The following MLXIP variants were observed in gnomAD, a reference collection of about 807,000 sequenced individuals.
MLXIP encodes the protein MLX interacting protein.
In MLXIP, 30 loss-of-function variants were observed where a neutral mutation model predicts 87.2. The ratio of observed to expected loss-of-function variants is 0.34; its 90% CI spans 0.26 to 0.47. The LOEUF is 0.47. Ranked by LOEUF, MLXIP falls within the 20% of genes least tolerant of loss-of-function variation. The pLI, the probability that MLXIP is intolerant of heterozygous loss-of-function variation, is 1.00. For missense variants in MLXIP, 1,002 were observed against 1,240.1 expected (o/e 0.81, Z 2.88); for synonymous variants, 530 against 514.0 (o/e 1.03, Z -0.42).
At chr12:122,115,402 A>G (rs1330172928) in intron 1 of MLXIP, among the ~76,000 whole-genome samples, 1 of 151,766 alleles carries the variant, frequency 6.6e-6, no homozygotes, top group African/African-American at 2.4e-5. Flanking sequence ...ACCCTGGCTA[A>G]CATGGTGAAA....
Position 122,135,645 on chromosome 12 carries a change from C to G in MLXIP, c.2011C>G (p.Gln671Glu). ...GGTCCCGCTGCATGGGGGCAGCCCCCAGGTCACTGTCACAGGGCCCAGTGA... is the reference window on the plus strand; with the variant it reads ...GGTCCCGCTGCATGGGGGCAGCCCCGAGGTCACTGTCACAGGGCCCAGTGA... ...EQVPLHGGSP[Q>E]VTVTGPSRDC... Residue 671 changes from glutamine to glutamate, a missense_variant, in exon 11 of 17, where the codon CAG (glutamine) becomes GAG (glutamate). By Grantham distance (29) the Gln-to-Glu change is conservative. Around this residue, in one of 3 missense-constraint regions of MLXIP, gnomAD observed 746 missense variants for 897.0 expected, o/e 0.83. Coordinates refer to ENST00000319080, the MANE Select transcript of MLXIP (RefSeq NM_014938.6). This position sits in a 1 kb window ranked among gnomAD's most constrained non-coding sequence, Gnocchi z 5.3. 1 of 1,527,568 alleles carries G rather than the reference C, an allele frequency of 6.5e-7. No individual in the cohort carries two copies. Among genetic ancestry groups the G allele is most frequent in the Admixed American group, 2.1e-5 (1 of 47,784 alleles). The allele number at this position is 1,527,568 out of a possible 1,614,324, so 94.6% of individuals were successfully genotyped here.
rs1240658727 is a variant in MLXIP, at chr12:122,138,885, A to T, written c.2455A>T (p.Met819Leu). The T allele has an allele frequency of 1.2e-6, 2 of 1,613,918 alleles. No homozygotes were observed. The highest frequency in any genetic ancestry group is 1.7e-5 in the Admixed American group (1 of 60,010). ...TRRQFDHMKD[M>L]FDEYVKTRTL... ...GCGCCAGTTTGATCACATGAAAGAC[A>T]TGTTTGACGAATACGTGAAAACCCG... The change falls in exon 15 of 17, where the codon ATG (methionine) becomes TTG (leucine). Residue 819 changes from methionine (M) to leucine (L), a missense_variant. Physicochemically the swap from Met to Leu is conservative, Grantham distance 15. Around this residue, in one of 3 missense-constraint regions of MLXIP, gnomAD observed 746 missense variants for 897.0 expected, o/e 0.83. Coordinates refer to ENST00000319080, the MANE Select transcript of MLXIP (RefSeq NM_014938.6).
intron 1 of MLXIP, among the ~76,000 whole-genome samples, chr12:122,088,785 G>A (rs925349259): frequency 1.3e-5 from 2 of 151,970 alleles, no homozygotes; most frequent in Non-Finnish European, 2.9e-5. Flanking sequence ...AGGCAAATTC[G>A]GTCACCAAAA....
chr12:122,103,195 GTATGTATT>G (rs879436213), intron 1 of MLXIP, among the ~76,000 whole-genome samples: 6,508 of 77,518 alleles, frequency 0.084, 214 homozygotes, highest in African/African-American at 0.15. Flanking sequence ...ATGTATGTAT[GTATGTATT>G]TATTTATTTA....
intron 1 of MLXIP, among the ~76,000 whole-genome samples, chr12:122,083,124 C>G (rs1952115770): frequency 1.3e-5 from 2 of 152,150 alleles, no homozygotes; most frequent in African/African-American, 4.8e-5. Flanking sequence ...CCAGCCCCCA[C>G]CTACAGATTC....
intron 1 of MLXIP, among the ~76,000 whole-genome samples, chr12:122,109,183 T>A (rs757047139): frequency 6.6e-6 from 1 of 152,164 alleles, no homozygotes; most frequent in African/African-American, 2.4e-5. Flanking sequence ...TCTGCCCACC[T>A]TGGCCTCCCA....
chr12:122,141,433 G>T (rs901742935), intron 16 of MLXIP, among the ~76,000 whole-genome samples: 1 of 152,162 alleles, frequency 6.6e-6, no homozygotes, highest in Non-Finnish European at 1.5e-5. Flanking sequence ...TATCAGAACA[G>T]CTGGCAGCCC....
intron 1 of MLXIP, among the ~76,000 whole-genome samples, chr12:122,103,337 G>T (rs1952467871): frequency 6.6e-6 from 1 of 151,558 alleles, no homozygotes; most frequent in Non-Finnish European, 1.5e-5. Flanking sequence ...CGATTCTCTT[G>T]CTTCAATCTC....
At chr12:122,108,805 G>A (rs1397587414) in intron 1 of MLXIP, among the ~76,000 whole-genome samples, 1 of 152,102 alleles carries the variant, frequency 6.6e-6, no homozygotes, top group Non-Finnish European at 1.5e-5. Context: ...TTCCTGCTCT[G>A]TAGTTTTTCT....
intron 1 of MLXIP, among the ~76,000 whole-genome samples, chr12:122,086,043 A>G (rs1952163725): frequency 6.6e-6 from 1 of 152,182 alleles, no homozygotes; most frequent in Admixed American, 6.6e-5. Flanking sequence ...AGTGAGCAGC[A>G]GAGGAAGGAT....
intron 1 of MLXIP, among the ~76,000 whole-genome samples, chr12:122,101,384 A>G (rs999805388): frequency 6.6e-6 from 1 of 150,558 alleles, no homozygotes; most frequent in African/African-American, 2.4e-5. Context: ...ATAGACCTGC[A>G]GCATCATTTT....
intron 1 of MLXIP, among the ~76,000 whole-genome samples, chr12:122,123,013 G>A (rs577118117): frequency 6.6e-6 from 1 of 152,208 alleles, no homozygotes; most frequent in Non-Finnish European, 1.5e-5. Context: ...TTTTAGAGCA[G>A]CTTTTCCTGA....
chr12:122,126,089 T>C (rs1012572052), intron 1 of MLXIP, among the ~76,000 whole-genome samples: 1 of 152,174 alleles, frequency 6.6e-6, no homozygotes, highest in Admixed American at 6.5e-5. Context: ...AAATAGTGCC[T>C]TGCCCATCTC....
Position 122,078,828 on chromosome 12 carries a change from G to T in MLXIP, c.-26G>T. 9.5e-7 allele frequency: 1 copy of T among 1,051,696 alleles called. No homozygotes were observed. Among genetic ancestry groups the T allele is most frequent in the South Asian group, 4.2e-5 (1 of 23,812 alleles). The allele number at this position is 1,051,696 out of a possible 1,614,324, so 65.1% of individuals were successfully genotyped here. On this transcript the variant is annotated 5_prime_UTR_variant, in exon 1 of 17. Coordinates refer to ENST00000319080, the MANE Select transcript of MLXIP (RefSeq NM_014938.6). ...CTTGTCGCGTTGCCCCGGGCTCCGGGGGATGCCCCCGGCCGAGCCCTTCTC... is the reference window on the plus strand; with the variant it reads ...CTTGTCGCGTTGCCCCGGGCTCCGGTGGATGCCCCCGGCCGAGCCCTTCTC...
chr12:122,129,806 T>C, intron 5 of MLXIP, 135 bp from the exon 6 acceptor site: 1 of 1,303,870 alleles, frequency 7.7e-7, no homozygotes, highest in Non-Finnish European at 1.1e-6. Context: ...GGAGCCGCTC[T>C]CCAAATGCCT....
At chr12:122,134,205 G>GTTT (rs57471735) in intron 9 of MLXIP, 7,941 of 497,326 alleles carry the variant, frequency 0.016, 232 homozygotes, top group African/African-American at 0.11. Flanking sequence ...TTTTTGTTTG[G>GTTT]TTTTTTTTTT....
At chr12:122,111,127 G>A (rs969897585) in intron 1 of MLXIP, among the ~76,000 whole-genome samples, 4 of 151,874 alleles carry the variant, frequency 2.6e-5, no homozygotes, top group African/African-American at 9.7e-5. Flanking sequence ...CCTGGCGAGT[G>A]TTACCTTATC....
intron 1 of MLXIP, among the ~76,000 whole-genome samples, chr12:122,094,493 AATGTCTG>A: frequency 2.0e-5 from 1 of 49,434 alleles, no homozygotes; most frequent in South Asian, 7.4e-4. Flanking sequence ...GTGTGTTTGC[AATGTCTG>A]TGTGTGTGGT....
At chr12:122,085,599 T>G (rs1952157155) in intron 1 of MLXIP, among the ~76,000 whole-genome samples, 1 of 152,214 alleles carries the variant, frequency 6.6e-6, no homozygotes, top group African/African-American at 2.4e-5. Flanking sequence ...AGATGGGGTT[T>G]CATCATGTTG....
Sources: gnomAD v4.1 joint callset for allele counts (sites outside exome capture counted in the v4.1 genomes callset) on GRCh38, gnomAD v4.1.1 for gene constraint, gnomAD v4.1.1 regional missense constraint, Gnocchi (gnomAD v3.1) non-coding constraint, MANE v1.5 for transcripts, NCBI Gene and HGNC (gene_info 2026-07-23, HGNC 2026-07-21) for gene names.